Variants in ADGRV1 observed in about 807,000 individuals in gnomAD.
ADGRV1 encodes the protein G-protein coupled receptor 98.
A neutral mutation model predicts 596.2 loss-of-function variants in ADGRV1; 359 were observed. The ratio of observed to expected loss-of-function variants is 0.60; its 90% CI spans 0.55 to 0.66. The LOEUF (loss-of-function observed/expected upper bound fraction) is 0.66, where lower values mean the gene tolerates loss of function less well. ADGRV1 is among the 30% of genes least tolerant of loss of function. The probability of loss-of-function intolerance (pLI) is 0.00; values close to 1 mark genes in which losing one functional copy is unlikely to be tolerated. For missense variants in ADGRV1, 7,274 were observed against 7,575.6 expected (o/e 0.96, Z 1.48); for synonymous variants, 2,681 against 2,679.2 (o/e 1.00, Z -0.02).
At chr5:90,879,308 C>T (rs1769523643) in intron 83 of ADGRV1, among the ~76,000 whole-genome samples, 1 of 152,126 alleles carries the variant, frequency 6.6e-6, no homozygotes, top group Admixed American at 6.5e-5. Flanking sequence ...AAAAGCAATC[C>T]ATATGCACAT....
intron 21 of ADGRV1, among the ~76,000 whole-genome samples, chr5:90,660,094 C>T (rs189511509): frequency 6.6e-6 from 1 of 152,034 alleles, no homozygotes; most frequent in East Asian, 1.9e-4. Flanking sequence ...CTAGGAGAAT[C>T]CAGCTGTCTT....
intron 86 of ADGRV1, among the ~76,000 whole-genome samples, chr5:91,080,300 A>G (rs867619390): frequency 1.3e-5 from 2 of 152,162 alleles, no homozygotes; most frequent in Admixed American, 6.6e-5. Flanking sequence ...CATGAAGCCT[A>G]TTAAGCAGGT....
At chr5:90,987,387 T>C (rs918733408) in intron 85 of ADGRV1, among the ~76,000 whole-genome samples, 3 of 150,774 alleles carry the variant, frequency 2.0e-5, no homozygotes, top group African/African-American at 4.9e-5. Flanking sequence ...GGAGAATCAC[T>C]TGAACCCAGG....
chr5:90,803,984 A>G (rs1216990054), intron 71 of ADGRV1, among the ~76,000 whole-genome samples: 2 of 152,046 alleles, frequency 1.3e-5, no homozygotes, highest in African/African-American at 4.8e-5. Flanking sequence ...TACTTGTATC[A>G]GTGTTTGGTG....
At chr5:90,599,556 T>C (rs1341936570) in intron 1 of ADGRV1, among the ~76,000 whole-genome samples, 1 of 152,226 alleles carries the variant, frequency 6.6e-6, no homozygotes, top group Non-Finnish European at 1.5e-5. Context: ...ATAAATGCTT[T>C]TGTAATCTTA....
chr5:90,827,474 G>A (rs1019355757), intron 76 of ADGRV1, among the ~76,000 whole-genome samples: 2 of 152,064 alleles, frequency 1.3e-5, no homozygotes, highest in Non-Finnish European at 2.9e-5. Flanking sequence ...TTTGTAGGTG[G>A]CTATAAGTAT....
chr5:90,703,862 A>G (rs1561558646), intron 35 of ADGRV1, 67 bp downstream of exon 35: 2 of 1,145,402 alleles, frequency 1.7e-6, no homozygotes, highest in East Asian at 5.1e-5. Flanking sequence ...GGAAAATGGG[A>G]TAGAAAAGCA....
rs2151394270 is a variant in ADGRV1, at chr5:91,072,465, C to T, written c.18171C>T (p.Val6057=). The change falls in exon 86 of 90, where the codon GTC becomes GTT. Residue 6057 remains valine (V), a synonymous_variant. Coordinates refer to ENST00000405460, the MANE Select transcript of ADGRV1 (RefSeq NM_032119.4). The part of the protein sequence containing the change: ...IHGDLCFIPN[V]YAALFTAALV... ...CTTCCAGGTGTTTTATTCCAAACGTCTATGCTGCTTTGTTCACTGCAGCTC... is the reference window on the plus strand; with the variant it reads ...CTTCCAGGTGTTTTATTCCAAACGTTTATGCTGCTTTGTTCACTGCAGCTC... 6.2e-7 allele frequency: 1 copy of T among 1,613,720 alleles called. No homozygotes were observed. The highest frequency in any genetic ancestry group is 8.5e-7 in the Non-Finnish European group (1 of 1,179,668).
At chr5:90,618,032 C>CT (rs1269722737) in intron 3 of ADGRV1, 79 bp downstream of exon 3, 16 of 1,125,206 alleles carry the variant, frequency 1.4e-5, no homozygotes, top group Non-Finnish European at 1.9e-5. Context: ...GCTTAACAAT[C>CT]TATCTATCTA....
intron 60 of ADGRV1, among the ~76,000 whole-genome samples, chr5:90,774,972 CAA>C (rs1213483596): frequency 6.6e-6 from 1 of 152,096 alleles, no homozygotes; most frequent in East Asian, 1.9e-4. Flanking sequence ...AGTAGTTACT[CAA>C]ATATTTTGAC....
chr5:91,154,252 T>A (rs936128727), intron 89 of ADGRV1, among the ~76,000 whole-genome samples: 3 of 152,234 alleles, frequency 2.0e-5, no homozygotes, highest in African/African-American at 7.2e-5. Flanking sequence ...GATAACCACA[T>A]AAGCAAGAAA....
chr5:91,103,943 G>A (rs1438823645), intron 87 of ADGRV1, among the ~76,000 whole-genome samples: 1 of 152,214 alleles, frequency 6.6e-6, no homozygotes, highest in Non-Finnish European at 1.5e-5. Context: ...TGCAATTAGA[G>A]AAGAAGTTGT....
Position 91,095,903 on chromosome 5 carries a change from C to T in ADGRV1, c.18311-6316C>T, listed in dbSNP as rs1484929625. ...GTTCGTGTCATGCTCCTGCCTCAGCCTCCCGAGTAGCCACCATGCCTGGCT... is the reference window on the plus strand; with the variant it reads ...GTTCGTGTCATGCTCCTGCCTCAGCTTCCCGAGTAGCCACCATGCCTGGCT... On this transcript the variant is annotated intron_variant, in intron 86 of 89. Transcript: ENST00000405460. Among the ~76,000 whole-genome samples the T allele has an allele frequency of 5.3e-5, 8 of 151,162 alleles. No individual in the cohort carries two copies. The South Asian group carries it at 8.3e-4, about 16-fold the overall frequency.
chr5:90,972,520 A>G (rs1779143986), intron 84 of ADGRV1, among the ~76,000 whole-genome samples: 1 of 152,238 alleles, frequency 6.6e-6, no homozygotes, highest in Non-Finnish European at 1.5e-5. Context: ...CCACAGTGCA[A>G]TCAAACTAGA....
At chr5:90,701,618 A>T (rs1747920188) in intron 34 of ADGRV1, among the ~76,000 whole-genome samples, 1 of 151,922 alleles carries the variant, frequency 6.6e-6, no homozygotes, top group African/African-American at 2.4e-5. Context: ...GTGTGTGTGT[A>T]TCATACTTCA....
intron 34 of ADGRV1, among the ~76,000 whole-genome samples, 157 bp from the exon 35 acceptor site, chr5:90,703,508 G>A (rs189506327): frequency 1.3e-3 from 192 of 152,180 alleles, no homozygotes; most frequent in African/African-American, 4.5e-3. Flanking sequence ...CAATAAGCAT[G>A]TATAAAGATT....
chr5:90,737,162 C>T (rs1753346968), intron 50 of ADGRV1, among the ~76,000 whole-genome samples: 1 of 151,494 alleles, frequency 6.6e-6, no homozygotes, highest in Non-Finnish European at 1.5e-5. Flanking sequence ...TTATTTTTGT[C>T]ATAAGGTATC....
intron 2 of ADGRV1, 48 bp from the exon 3 acceptor site, chr5:90,617,756 T>A (rs766411050): frequency 6.7e-7 from 1 of 1,486,016 alleles, no homozygotes; most frequent in Non-Finnish European, 9.2e-7. Context: ...GTTTTACTTG[T>A]CCTAATACTG....
chr5:90,606,402 G>T (rs1039764122), intron 1 of ADGRV1, among the ~76,000 whole-genome samples: 1 of 152,146 alleles, frequency 6.6e-6, no homozygotes, highest in Non-Finnish European at 1.5e-5. Context: ...TGTACTAGGT[G>T]GTGGACAGGT....
Sources: gnomAD v4.1 joint callset for allele counts (sites outside exome capture counted in the v4.1 genomes callset) on GRCh38, gnomAD v4.1.1 for gene constraint, MANE v1.5 for transcripts, NCBI Gene and HGNC (gene_info 2026-07-23, HGNC 2026-07-21) for gene names.